CTNND2: variants seen among roughly 807,000 people sequenced by gnomAD.
CTNND2 encodes catenin delta-2.
A neutral mutation model predicts 144.4 loss-of-function variants in CTNND2; 22 were observed. The observed-to-expected ratio is 0.15, with a 90% confidence interval of 0.11 to 0.22. CTNND2 has a LOEUF of 0.22. Ranked by LOEUF, CTNND2 falls within the 10% of genes least tolerant of loss-of-function variation. CTNND2 has a pLI of 1.00. For synonymous variants in CTNND2, 751 were observed against 695.6 expected (o/e 1.08, Z -1.25); for missense variants, 1,353 against 1,618.8 (o/e 0.84, Z 2.82).
At chr5:11,170,849 C>A (rs1405736797) in intron 11 of CTNND2, among the ~76,000 whole-genome samples, 1 of 152,134 alleles carries the variant, frequency 6.6e-6, no homozygotes, top group Non-Finnish European at 1.5e-5. Flanking sequence ...CTGAGGAGGC[C>A]TCACAACCAT....
At chr5:11,271,515 G>A (rs1746009357) in intron 9 of CTNND2, among the ~76,000 whole-genome samples, 1 of 152,156 alleles carries the variant, frequency 6.6e-6, no homozygotes, top group East Asian at 1.9e-4. Flanking sequence ...CCAAATATAT[G>A]GTCCGCTTTT....
intron 8 of CTNND2, among the ~76,000 whole-genome samples, chr5:11,347,526 A>C (rs1033340078): frequency 1.3e-5 from 2 of 152,176 alleles, no homozygotes; most frequent in African/African-American, 4.8e-5. Context: ...TATATTTGAC[A>C]TCTAAGGTTT....
intron 9 of CTNND2, among the ~76,000 whole-genome samples, chr5:11,268,999 G>T (rs1339040442): frequency 6.6e-6 from 1 of 152,174 alleles, no homozygotes; most frequent in Non-Finnish European, 1.5e-5. Context: ...TGCTCACTCT[G>T]TTCCTTTTAC....
chr5:11,509,079 A>G (rs1771373885), intron 3 of CTNND2, among the ~76,000 whole-genome samples: 1 of 152,320 alleles, frequency 6.6e-6, no homozygotes, highest in East Asian at 1.9e-4. Context: ...ACTTTTTGAT[A>G]CTTTTGAATT....
At chr5:11,479,615 AAC>A (rs1463732952) in intron 3 of CTNND2, among the ~76,000 whole-genome samples, 1 of 152,198 alleles carries the variant, frequency 6.6e-6, no homozygotes, top group African/African-American at 2.4e-5. Flanking sequence ...CACTTCCACC[AAC>A]AGTGTATAAA....
chr5:11,631,712 C>G (rs997936208), intron 2 of CTNND2, among the ~76,000 whole-genome samples: 1 of 152,130 alleles, frequency 6.6e-6, no homozygotes, highest in South Asian at 2.1e-4. Flanking sequence ...CTTCTTTCAC[C>G]CAGGCCCTAT....
chr5:11,230,278 T>G, intron 10 of CTNND2, among the ~76,000 whole-genome samples: 2 of 147,592 alleles, frequency 1.4e-5, no homozygotes, highest in East Asian at 2.1e-4. Context: ...GATGACGAGT[T>G]AGTGGGTGCA....
chr5:11,630,052 C>T (rs568487667), intron 2 of CTNND2, among the ~76,000 whole-genome samples: 12 of 152,162 alleles, frequency 7.9e-5, no homozygotes, highest in African/African-American at 1.9e-4. Context: ...TCTACTTATA[C>T]GTGCATTTTT....
intron 3 of CTNND2, among the ~76,000 whole-genome samples, chr5:11,444,774 C>A (rs750459184): frequency 6.6e-6 from 1 of 152,080 alleles, no homozygotes. Flanking sequence ...AATAATTGAC[C>A]AGTTCTGGGC....
intron 16 of CTNND2, among the ~76,000 whole-genome samples, chr5:11,079,868 A>G (rs982129927): frequency 6.6e-6 from 1 of 152,242 alleles, no homozygotes; most frequent in Non-Finnish European, 1.5e-5. Flanking sequence ...TAAACTATAA[A>G]AATTCTAGGA....
intron 1 of CTNND2, among the ~76,000 whole-genome samples, chr5:11,810,670 T>C (rs1458669101): frequency 2.0e-5 from 3 of 152,218 alleles, no homozygotes; most frequent in Non-Finnish European, 2.9e-5. Flanking sequence ...TAAGGCATGA[T>C]TGTAATTTGG....
chr5:11,347,162 C>T (rs1360043863), intron 8 of CTNND2, among the ~76,000 whole-genome samples: 2 of 152,096 alleles, frequency 1.3e-5, no homozygotes, highest in African/African-American at 4.8e-5. Context: ...GTTCACATCT[C>T]CATAATTAGC....
chr5:11,192,515 G>A (rs956045879), intron 11 of CTNND2, among the ~76,000 whole-genome samples: 10 of 152,146 alleles, frequency 6.6e-5, no homozygotes, highest in African/African-American at 1.2e-4. Context: ...GGATCAGCCC[G>A]GTGGGCGCAA....
At chr5:11,507,507 G>C (rs1165722677) in intron 3 of CTNND2, among the ~76,000 whole-genome samples, 1 of 152,162 alleles carries the variant, frequency 6.6e-6, no homozygotes, top group Non-Finnish European at 1.5e-5. Context: ...GCATAAGGTT[G>C]GTACCACATG....
At chr5:11,571,422 G>A (rs542030306) in intron 2 of CTNND2, among the ~76,000 whole-genome samples, 6 of 152,158 alleles carry the variant, frequency 3.9e-5, no homozygotes, top group African/African-American at 7.2e-5. Context: ...CTCTTTTTCC[G>A]CAAAGCTAAG....
At chr5:11,149,652 C>T (rs545346024) in intron 12 of CTNND2, among the ~76,000 whole-genome samples, 4 of 152,162 alleles carry the variant, frequency 2.6e-5, no homozygotes, top group East Asian at 1.9e-4. Flanking sequence ...CAGTGAAGGA[C>T]GCAGGACTAA....
chr5:11,068,910 C>G (rs1747917722), intron 16 of CTNND2, among the ~76,000 whole-genome samples: 1 of 152,176 alleles, frequency 6.6e-6, no homozygotes, highest in Non-Finnish European at 1.5e-5. Flanking sequence ...GAGCGAGACT[C>G]CGTCTCAAAA....
At chr5:11,884,767 AC>A (rs1400685646) in intron 1 of CTNND2, among the ~76,000 whole-genome samples, 4 of 152,036 alleles carry the variant, frequency 2.6e-5, no homozygotes, top group African/African-American at 9.7e-5. Context: ...TTTAACTTTA[AC>A]CCATTCACTA....
At chr5:11,145,238 A>AT (rs1249327454) in intron 12 of CTNND2, among the ~76,000 whole-genome samples, 12 of 152,224 alleles carry the variant, frequency 7.9e-5, no homozygotes, top group African/African-American at 2.4e-4. Flanking sequence ...TTAATGCAAT[A>AT]TTTTTTCATC....
Sources: gnomAD v4.1 joint callset for allele counts (sites outside exome capture counted in the v4.1 genomes callset) on GRCh38, gnomAD v4.1.1 for gene constraint, MANE v1.5 for transcripts, NCBI Gene and HGNC (gene_info 2026-07-23, HGNC 2026-07-21) for gene names.